UBE2V2: variants seen among roughly 807,000 people sequenced by gnomAD.
UBE2V2 encodes the protein ubiquitin conjugating enzyme E2 V2.
In UBE2V2, 9 loss-of-function variants were observed where a neutral mutation model predicts 17.2. The observed-to-expected ratio is 0.52, with a 90% CI of 0.32 to 0.91. The LOEUF (loss-of-function observed/expected upper bound fraction) is 0.91, where lower values mean the gene tolerates loss of function less well. UBE2V2 is among the 40% of genes least tolerant of loss of function. UBE2V2 has a pLI of 0.04. For missense variants in UBE2V2, 133 were observed against 182.6 expected (o/e 0.73, Z 1.56); for synonymous variants, 61 against 57.5 (o/e 1.06, Z -0.28).
intron 2 of UBE2V2, among the ~76,000 whole-genome samples, chr8:48,046,204 C>G (rs1216369054): frequency 1.3e-5 from 2 of 152,110 alleles, no homozygotes; most frequent in African/African-American, 4.8e-5. Flanking sequence ...ACTGCAAGCT[C>G]TGCCTCCCGC....
chr8:48,039,556 TTTTGAATAACGTTC>T (rs1440329344), intron 1 of UBE2V2, among the ~76,000 whole-genome samples: 1 of 152,220 alleles, frequency 6.6e-6, no homozygotes, highest in Non-Finnish European at 1.5e-5. Flanking sequence ...TATTTCTGTA[TTTTGAATAACGTTC>T]TTGTCTTCTA....
At chr8:48,004,331 G>C (rs1338541858), upstream of UBE2V2, among the ~76,000 whole-genome samples, 1 of 152,010 alleles carries the variant, frequency 6.6e-6, no homozygotes, top group Non-Finnish European at 1.5e-5. Context: ...ACAAACTTGG[G>C]GAAAGTTTAA....
chr8:48,032,251 T>C (rs932128855), intron 1 of UBE2V2, among the ~76,000 whole-genome samples: 2 of 152,210 alleles, frequency 1.3e-5, no homozygotes, highest in African/African-American at 4.8e-5. Context: ...ATGTATTCTA[T>C]TGAAATATAT....
intron 3 of UBE2V2, among the ~76,000 whole-genome samples, chr8:48,055,280 A>G (rs1486007296): frequency 6.7e-6 from 1 of 149,118 alleles, no homozygotes; most frequent in African/African-American, 2.5e-5. Flanking sequence ...GCTCACTGCA[A>G]CCTCCGCCTC....
upstream of UBE2V2, among the ~76,000 whole-genome samples, chr8:48,004,472 T>C (rs2091170506): frequency 6.6e-6 from 1 of 152,052 alleles, no homozygotes; most frequent in Non-Finnish European, 1.5e-5. Context: ...TGAGAGTAGA[T>C]AAGGATAGTA....
chr8:48,008,675 GCGTCGGCCGCGC>G (rs2091204290), intron 1 of UBE2V2: 1 of 516,290 alleles, frequency 1.9e-6, no homozygotes, highest in South Asian at 8.9e-5. Flanking sequence ...TCGTGCTCGC[GCGTCGGCCGCGC>G]GCCGGCGGGC....
chr8:48,005,308 G>A (rs538823456), upstream of UBE2V2, among the ~76,000 whole-genome samples: 48 of 152,166 alleles, frequency 3.2e-4, no homozygotes, highest in African/African-American at 1.0e-3. Context: ...TGAGAATGAC[G>A]GTTTCCAGCA....
intron 3 of UBE2V2, among the ~76,000 whole-genome samples, chr8:48,056,817 G>A (rs2091574894): frequency 6.6e-6 from 1 of 152,140 alleles, no homozygotes; most frequent in Admixed American, 6.5e-5. Flanking sequence ...TCCACCTCCT[G>A]GACTCAAGCA....
At position 48,060,851 on chromosome 8, in the gene UBE2V2, C is replaced by A; in HGVS notation, c.*23C>A. ...TAATTTTAGTGGATCTCAAACTTGT[C>A]TTAAATCAACAACCTTCTACTCATG... On this transcript the variant is annotated 3_prime_UTR_variant, in exon 4 of 4. Coordinates refer to ENST00000523111, the MANE Select transcript of UBE2V2 (RefSeq NM_003350.3). The A allele has an allele frequency of 1.3e-6, 2 of 1,484,554 alleles. No homozygotes were observed. Among genetic ancestry groups the A allele is most frequent in the Non-Finnish European group, 9.0e-7 (1 of 1,116,132 alleles). The allele number at this position is 1,484,554 out of a possible 1,614,324, so 92.0% of individuals were successfully genotyped here.
intron 3 of UBE2V2, among the ~76,000 whole-genome samples, chr8:48,056,008 T>C (rs1018136510): frequency 6.6e-6 from 1 of 152,192 alleles, no homozygotes; most frequent in Non-Finnish European, 1.5e-5. Flanking sequence ...TCTGCCCTCC[T>C]CAGCCTCCCA....
At chr8:48,007,711 A>T (rs1483296749), upstream of UBE2V2, among the ~76,000 whole-genome samples, 1 of 148,544 alleles carries the variant, frequency 6.7e-6, no homozygotes, top group Non-Finnish European at 1.5e-5. Flanking sequence ...TTCGGCGCCC[A>T]GCCTGTATTA....
chr8:48,025,843 G>A (rs1233829643), intron 1 of UBE2V2, among the ~76,000 whole-genome samples: 5 of 151,764 alleles, frequency 3.3e-5, no homozygotes, highest in East Asian at 1.9e-4. Flanking sequence ...CTCGTGATCC[G>A]CCTGCCTTGG....
At chr8:48,003,213 C>CAAA in the UBE2V2 span, among the ~76,000 whole-genome samples, 2 of 58,586 alleles carry the variant, frequency 3.4e-5, no homozygotes, top group African/African-American at 6.4e-5. Context: ...CTGTCTCAAA[C>CAAA]AAAAAAAAAA....
At chr8:48,036,034 A>T (rs557194879) in intron 1 of UBE2V2, among the ~76,000 whole-genome samples, 3 of 144,422 alleles carry the variant, frequency 2.1e-5, no homozygotes, top group East Asian at 2.1e-4. Flanking sequence ...GGCTCACTGC[A>T]GCCTCTACCT....
rs1016479933 is a variant in UBE2V2, at chr8:48,059,177, C to T, written c.292-1505C>T. Among the ~76,000 whole-genome samples the T allele has an allele frequency of 9.3e-4, 141 of 151,966 alleles. 1 individual carries two copies. The highest frequency in any genetic ancestry group is 3.2e-3 in the African/African-American group (134 of 41,472). On this transcript the variant is annotated intron_variant, in intron 3 of 3. Transcript: ENST00000523111. ...CTCGAACTCCTGAACTCAGGCAATC[C>T]GCCCGCCTCGGCCTCCCAAAGTGCT...
rs1333614692 is a variant in UBE2V2 at position 48,057,847 on chromosome 8, CTTGT to C, written c.292-2832_292-2829del. 3.3e-5 allele frequency among the ~76,000 whole-genome samples: 5 copies of C among 152,196 alleles called. No individual in the cohort carries two copies. In the South Asian group the frequency reaches 6.2e-4, roughly 19 times the overall value. On this transcript the variant is annotated intron_variant, in intron 3 of 3. Transcript: ENST00000523111. ...ACCTGTATCTTGTTGCCTTGATGAACTTGTTTATTAGCTCTAATAATTTCTTTAG... is the reference window on the plus strand; with the variant it reads ...ACCTGTATCTTGTTGCCTTGATGAACTTATTAGCTCTAATAATTTCTTTAG...
At chr8:48,039,038 C>T (rs72633913) in intron 1 of UBE2V2, among the ~76,000 whole-genome samples, 1 of 150,970 alleles carries the variant, frequency 6.6e-6, no homozygotes, top group Non-Finnish European at 1.5e-5. Flanking sequence ...ATGCGATTCT[C>T]CTGCCTTAGG....
intron 2 of UBE2V2, among the ~76,000 whole-genome samples, chr8:48,045,400 A>T (rs2091492278): frequency 6.6e-6 from 1 of 152,080 alleles, no homozygotes. Flanking sequence ...CTAGGTAATA[A>T]ACTGGGGGAA....
chr8:48,008,950 T>A (rs978601921), intron 1 of UBE2V2, among the ~76,000 whole-genome samples: 1 of 152,148 alleles, frequency 6.6e-6, no homozygotes, highest in Non-Finnish European at 1.5e-5. Flanking sequence ...GGACGATTGC[T>A]CCTTAAAATA....
Sources: gnomAD v4.1 joint callset for allele counts (sites outside exome capture counted in the v4.1 genomes callset) on GRCh38, gnomAD v4.1.1 for gene constraint, MANE v1.5 for transcripts, NCBI Gene and HGNC (gene_info 2026-07-23, HGNC 2026-07-21) for gene names.